Variants in ARHGEF26 observed in about 807,000 individuals in gnomAD.
ARHGEF26 encodes the protein Rho guanine nucleotide exchange factor 26.
Under a neutral mutation model 89.4 loss-of-function variants are expected in ARHGEF26, and 59 were observed. The ratio of observed to expected loss-of-function variants is 0.66; its 90% confidence interval spans 0.54 to 0.82. The LOEUF (loss-of-function observed/expected upper bound fraction) is 0.82. ARHGEF26 is among the 40% of genes least tolerant of loss of function. The pLI, the probability that ARHGEF26 is intolerant of heterozygous loss-of-function variation, is 0.00. For synonymous variants in ARHGEF26, 500 were observed against 428.4 expected, an observed-to-expected ratio of 1.17 and a Z score of -2.06; for missense variants, 1,234 against 1,085.6, an observed-to-expected ratio of 1.14 and a Z score of -1.92.
In ARHGEF26 at chr3:154,122,072, A is replaced by C; in HGVS notation, c.80A>C (p.His27Pro). The C allele has an allele frequency of 1.2e-6, 2 of 1,612,478 alleles. No homozygotes were observed. The highest frequency in any genetic ancestry group is 8.5e-7 in the Non-Finnish European group (1 of 1,179,314). Residue 27 changes from histidine (H) to proline (P), a missense_variant, in exon 2 of 15, where the codon CAC (histidine) becomes CCC (proline). Transcript: ENST00000465093. ...LWRRRSIPQP[H>P]QVLGRSKPRP... ...CGGAGGCGGTCGATTCCTCAGCCCC[A>C]CCAGGTTCTGGGCCGGAGCAAGCCG...
At chr3:154,198,135 C>T (rs1714398391) in intron 9 of ARHGEF26, among the ~76,000 whole-genome samples, 1 of 152,098 alleles carries the variant, frequency 6.6e-6, no homozygotes, top group Non-Finnish European at 1.5e-5. Context: ...TGAAAAAATG[C>T]TCAGCATCAC....
At chr3:154,121,808 G>C in intron 1 of ARHGEF26, 134 bp from the exon 2 acceptor site, 1 of 794,072 alleles carries the variant, frequency 1.3e-6, no homozygotes, top group Non-Finnish European at 1.9e-6. Context: ...GTTTTTGCCC[G>C]AGAAAGGGCG....
intron 2 of ARHGEF26, among the ~76,000 whole-genome samples, chr3:154,123,737 T>G (rs1382675329): frequency 6.6e-6 from 1 of 152,214 alleles, no homozygotes; most frequent in African/African-American, 2.4e-5. Flanking sequence ...TGTAACAGAT[T>G]GGCAGCTGAA....
intron 3 of ARHGEF26, among the ~76,000 whole-genome samples, chr3:154,129,081 G>GT (rs1464011501): frequency 1.3e-5 from 2 of 152,110 alleles, no homozygotes; most frequent in Non-Finnish European, 2.9e-5. Context: ...GAATTTGACA[G>GT]TTTTTTTAAT....
Position 154,210,166 on chromosome 3 carries a change from G to A in ARHGEF26, c.1846-7703G>A, listed in dbSNP as rs114255943. On this transcript the variant is annotated intron_variant, in intron 9 of 14. Coordinates refer to ENST00000465093, the MANE Select transcript of ARHGEF26 (RefSeq NM_015595.4). ...GCAGTGGGCTCCCCTCTGACCCAGGGCAGGTCCAGAAATGCCATCCAGAAG... is the reference window on the plus strand; with the variant it reads ...GCAGTGGGCTCCCCTCTGACCCAGGACAGGTCCAGAAATGCCATCCAGAAG... Among the ~76,000 whole-genome samples the A allele has an allele frequency of 8.2e-3, 1,244 of 152,212 alleles. 17 individuals carry two copies. Among genetic ancestry groups the A allele is most frequent in the African/African-American group, 0.028 (1,151 of 41,540 alleles).
At chr3:154,144,572 A>G (rs1276588214) in intron 4 of ARHGEF26, among the ~76,000 whole-genome samples, 1 of 152,198 alleles carries the variant, frequency 6.6e-6, no homozygotes, top group Non-Finnish European at 1.5e-5. Context: ...ATTCTTGTGC[A>G]TTTAATTACT....
chr3:154,132,042 G>A (rs553857581), intron 4 of ARHGEF26, among the ~76,000 whole-genome samples: 2 of 152,122 alleles, frequency 1.3e-5, no homozygotes, highest in South Asian at 4.1e-4. Flanking sequence ...GTTCCCGGGA[G>A]GCTTGTGTGT....
chr3:154,254,143 C>T (rs957081771), intron 13 of ARHGEF26, among the ~76,000 whole-genome samples: 1 of 152,156 alleles, frequency 6.6e-6, no homozygotes, highest in Non-Finnish European at 1.5e-5. Flanking sequence ...TCCCAATCTC[C>T]TGACCTCGTG....
At position 154,149,405 on chromosome 3, in the gene ARHGEF26, T is replaced by C; in HGVS notation, c.1286T>C (p.Leu429Ser). ...TTCTCCTAGGTGAAAAGAAAGGGAT[T>C]ATCTCAGACAGTAAGCCAGGAGGAA... Reference protein sequence around the residue: ...SQLSAVKRKGLSQTVSQEERK... With the variant: ...SQLSAVKRKGSSQTVSQEERK... Residue 429 changes from leucine to serine, a missense_variant, in exon 5 of 15, where the codon TTA (leucine) becomes TCA (serine). Coordinates refer to ENST00000465093, the MANE Select transcript of ARHGEF26 (RefSeq NM_015595.4). 2 of 1,607,632 alleles carry C rather than the reference T, an allele frequency of 1.2e-6. No homozygotes were observed. The highest frequency in any genetic ancestry group is 1.7e-6 in the Non-Finnish European group (2 of 1,176,730).
At chr3:154,151,078 G>C (rs1719991101) in intron 5 of ARHGEF26, among the ~76,000 whole-genome samples, 1 of 152,186 alleles carries the variant, frequency 6.6e-6, no homozygotes, top group Non-Finnish European at 1.5e-5. Context: ...GGAGTGAGCA[G>C]AGTGGGGGAA....
At chr3:154,171,665 A>G (rs1436704519) in intron 6 of ARHGEF26, among the ~76,000 whole-genome samples, 1 of 152,162 alleles carries the variant, frequency 6.6e-6, no homozygotes, top group Non-Finnish European at 1.5e-5. Flanking sequence ...ATGAGACATA[A>G]GAGGCACTAT....
chr3:154,180,008 C>G (rs1032279164), intron 6 of ARHGEF26, among the ~76,000 whole-genome samples: 1 of 152,042 alleles, frequency 6.6e-6, no homozygotes, highest in Non-Finnish European at 1.5e-5. Flanking sequence ...GTTTTCTTGC[C>G]TTTTTCAGCT....
At chr3:154,159,501 T>C (rs1449141299) in intron 6 of ARHGEF26, among the ~76,000 whole-genome samples, 2 of 152,116 alleles carry the variant, frequency 1.3e-5, no homozygotes, top group Non-Finnish European at 2.9e-5. Flanking sequence ...ATTACAATAA[T>C]AGTAAACATA....
intron 9 of ARHGEF26, among the ~76,000 whole-genome samples, chr3:154,217,514 T>C (rs866493775): frequency 1.6e-4 from 24 of 152,318 alleles, no homozygotes; most frequent in African/African-American, 4.1e-4. Context: ...TAGTTTCTTT[T>C]GCTGTGCAGA....
chr3:154,226,826 T>C (rs1461952353), intron 11 of ARHGEF26, among the ~76,000 whole-genome samples: 3 of 152,162 alleles, frequency 2.0e-5, no homozygotes, highest in African/African-American at 7.2e-5. Flanking sequence ...TGTGGGCTGT[T>C]ATTTCCACAT....
rs1715311743 is a variant in ARHGEF26, at chr3:154,210,754, C to T, written c.1846-7115C>T. Among the ~76,000 whole-genome samples the T allele has an allele frequency of 2.6e-5, 4 of 151,288 alleles. No individual in the cohort carries two copies. The South Asian group carries it at 8.4e-4, about 32-fold the overall frequency. On this transcript the variant is annotated intron_variant, in intron 9 of 14. Transcript: ENST00000465093. ...GTCAGGAGTTTGAGACCAGCCTGGCCAATATGGCGAAACCCTATCTCTACT... is the reference window on the plus strand; with the variant it reads ...GTCAGGAGTTTGAGACCAGCCTGGCTAATATGGCGAAACCCTATCTCTACT...
intron 3 of ARHGEF26, among the ~76,000 whole-genome samples, chr3:154,128,618 A>G (rs1280384792): frequency 6.6e-6 from 1 of 152,162 alleles, no homozygotes; most frequent in Non-Finnish European, 1.5e-5. Flanking sequence ...CTCTTGGTAC[A>G]TACAGACATA....
intron 6 of ARHGEF26, among the ~76,000 whole-genome samples, chr3:154,168,841 GAAAGTTTAAATTTAAGCTCCTGAAA>G (rs1712220049): frequency 6.6e-6 from 1 of 151,460 alleles, no homozygotes; most frequent in South Asian, 2.1e-4. Flanking sequence ...TTTCTCTCAA[GAAAGTTTAAATTTAAGCTCCTGAAA>G]AAAGTCAGTG....
intron 4 of ARHGEF26, among the ~76,000 whole-genome samples, chr3:154,136,432 T>G (rs936526686): frequency 6.6e-6 from 1 of 152,126 alleles, no homozygotes; most frequent in African/African-American, 2.4e-5. Context: ...AAAGCACACA[T>G]AGTGTACCTG....
Sources: gnomAD v4.1 joint callset for allele counts (sites outside exome capture counted in the v4.1 genomes callset) on GRCh38, gnomAD v4.1.1 for gene constraint, MANE v1.5 for transcripts, NCBI Gene and HGNC (gene_info 2026-07-23, HGNC 2026-07-21) for gene names.